The following ANK3 variants were observed in gnomAD, a reference collection of about 807,000 sequenced individuals.
ANK3 encodes the protein ankyrin-3.
A neutral mutation model predicts 370.9 loss-of-function variants in ANK3; 57 were observed. The observed-to-expected ratio is 0.15, with a 90% CI of 0.12 to 0.19. The LOEUF (loss-of-function observed/expected upper bound fraction) is 0.19. ANK3 is among the 10% of genes least tolerant of loss of function. The probability of loss-of-function intolerance (pLI) is 1.00; values close to 1 mark genes in which losing one functional copy is unlikely to be tolerated. For synonymous variants in ANK3, 1,929 were observed against 1,946.3 expected, an observed-to-expected ratio of 0.99 and a Z score of 0.23; for missense variants, 4,439 against 5,302.1, an observed-to-expected ratio of 0.84 and a Z score of 5.06.
chr10:60,225,670 G>A (rs760273296), intron 8 of ANK3, among the ~76,000 whole-genome samples: 7 of 151,946 alleles, frequency 4.6e-5, no homozygotes, highest in East Asian at 1.9e-4. Flanking sequence ...CTGCCATACC[G>A]CCTATATGTT....
chr10:60,673,046 A>T (rs1450386374), intron 1 of ANK3, among the ~76,000 whole-genome samples: 1 of 15,126 alleles, frequency 6.6e-5, no homozygotes, highest in East Asian at 1.1e-3. Flanking sequence ...AAAATTTGGT[A>T]AAAAAAAAAA....
At chr10:60,174,447 G>A (rs2095872276) in intron 18 of ANK3, among the ~76,000 whole-genome samples, 3 of 152,150 alleles carry the variant, frequency 2.0e-5, no homozygotes. Context: ...TCAATACAGA[G>A]GAACTCAGAT....
At chr10:60,120,206 T>C (rs1590281009) in intron 25 of ANK3, among the ~76,000 whole-genome samples, 1 of 152,228 alleles carries the variant, frequency 6.6e-6, no homozygotes, top group African/African-American at 2.4e-5. Flanking sequence ...AGAACGTACA[T>C]TGGAGGAATA....
At chr10:60,711,104 ATAAAATAACCAT>A (rs1265276414) in intron 1 of ANK3, among the ~76,000 whole-genome samples, 1 of 152,252 alleles carries the variant, frequency 6.6e-6, no homozygotes, top group Admixed American at 6.5e-5. Flanking sequence ...AAGGGGACAC[ATAAAATAACCAT>A]TACATGTTCT....
At chr10:60,546,734 A>T (rs2076972082) in intron 2 of ANK3, among the ~76,000 whole-genome samples, 1 of 152,202 alleles carries the variant, frequency 6.6e-6, no homozygotes, top group Non-Finnish European at 1.5e-5. Flanking sequence ...TAATTACATT[A>T]AAACAATAAT....
chr10:60,406,129 G>A (rs895672403), intron 2 of ANK3, among the ~76,000 whole-genome samples: 3 of 152,316 alleles, frequency 2.0e-5, no homozygotes, highest in Non-Finnish European at 4.4e-5. Context: ...CAAACTTTCT[G>A]TAAGGGGCTA....
At chr10:60,634,871 T>C (rs925103113) in intron 1 of ANK3, among the ~76,000 whole-genome samples, 1 of 151,788 alleles carries the variant, frequency 6.6e-6, no homozygotes, top group African/African-American at 2.4e-5. Flanking sequence ...GCCTCACTCC[T>C]GAAGTCAGCG....
chr10:60,140,472 G>A, intron 23 of ANK3: 1 of 1,602,926 alleles, frequency 6.2e-7, no homozygotes, highest in East Asian at 2.2e-5. Flanking sequence ...ACCAATCCCT[G>A]GTTTGTATCC....
At chr10:60,589,748 A>G (rs10761524) in intron 2 of ANK3, among the ~76,000 whole-genome samples, 71,733 of 152,106 alleles carry the variant, frequency 0.47, 17,321 homozygotes, top group Middle Eastern at 0.52. Context: ...TTCATTCTGA[A>G]AGGTCTTAGA....
intron 26 of ANK3, among the ~76,000 whole-genome samples, chr10:60,110,717 A>G (rs1284472506): frequency 2.0e-5 from 3 of 152,236 alleles, no homozygotes; most frequent in Non-Finnish European, 4.4e-5. Context: ...ATATGGCAAT[A>G]TTATAAGACA....
chr10:60,476,387 C>T (rs1210435033), intron 2 of ANK3, among the ~76,000 whole-genome samples: 1 of 152,096 alleles, frequency 6.6e-6, no homozygotes, highest in East Asian at 1.9e-4. Flanking sequence ...AGGCACAGCA[C>T]ATTATAACAT....
intron 9 of ANK3, among the ~76,000 whole-genome samples, chr10:60,210,650 T>G (rs2096838657): frequency 6.6e-6 from 1 of 152,116 alleles, no homozygotes; most frequent in Admixed American, 6.5e-5. Context: ...CAAAAAGCAG[T>G]AATGGATTTA....
chr10:60,603,700 C>A (rs2078094604), intron 2 of ANK3, among the ~76,000 whole-genome samples: 2 of 152,092 alleles, frequency 1.3e-5, no homozygotes, highest in African/African-American at 4.8e-5. Context: ...TATGGAATTA[C>A]AAGCTATTAG....
chr10:60,335,149 C>T (rs925390313), intron 1 of ANK3, among the ~76,000 whole-genome samples: 5 of 151,968 alleles, frequency 3.3e-5, no homozygotes, highest in Non-Finnish European at 5.9e-5. Context: ...TTACAATCCA[C>T]GGTATGGAAT....
chr10:60,395,577 T>TTTCTTTCC, intron 2 of ANK3, among the ~76,000 whole-genome samples: 1 of 125,012 alleles, frequency 8.0e-6, no homozygotes, highest in East Asian at 2.4e-4. Flanking sequence ...TCTTTCTTTC[T>TTTCTTTCC]TTCTTTCTTT....
At chr10:60,083,689 T>C in intron 32 of ANK3, 72 bp from the exon 33 acceptor site, 5 of 1,359,820 alleles carry the variant, frequency 3.7e-6, no homozygotes, top group Non-Finnish European at 5.1e-6. Context: ...TTATGTCACG[T>C]AACGTTAAAA....
At chr10:60,618,858 A>C (rs2078298490) in intron 1 of ANK3, among the ~76,000 whole-genome samples, 1 of 152,088 alleles carries the variant, frequency 6.6e-6, no homozygotes, top group South Asian at 2.1e-4. Flanking sequence ...TATTCACCTG[A>C]CCCTAAATAA....
At chr10:60,348,622 T>G (rs10994311) in intron 1 of ANK3, among the ~76,000 whole-genome samples, 76,490 of 152,054 alleles carry the variant, frequency 0.5, 19,775 homozygotes, top group East Asian at 0.69. Flanking sequence ...AGATTCATTA[T>G]AGTGTCTGGC....
At chr10:60,555,756 C>A (rs1424880135) in intron 2 of ANK3, among the ~76,000 whole-genome samples, 1 of 151,988 alleles carries the variant, frequency 6.6e-6, no homozygotes, top group Non-Finnish European at 1.5e-5. Context: ...AGGTTGGGTA[C>A]CAGCAAAAAT....
Sources: gnomAD v4.1 joint callset for allele counts (sites outside exome capture counted in the v4.1 genomes callset) on GRCh38, gnomAD v4.1.1 for gene constraint, MANE v1.5 for transcripts, NCBI Gene and HGNC (gene_info 2026-07-23, HGNC 2026-07-21) for gene names.